ANO10: variants seen among roughly 807,000 people sequenced by gnomAD.
The protein encoded by ANO10 is anoctamin-10.
Under a neutral mutation model 74.7 loss-of-function variants are expected in ANO10, and 77 were observed. The observed-to-expected ratio is 1.03, with a 90% CI of 0.86 to 1.25. The LOEUF is 1.25. Among genes scored for constraint, ANO10 ranks in the 50% most tolerant of loss-of-function variants. ANO10 has a pLI of 0.00. For synonymous variants in ANO10, 279 were observed against 284.9 expected (o/e 0.98, Z 0.21); for missense variants, 721 against 778.1 (o/e 0.93, Z 0.87).
chr3:43,640,395 AG>A (rs1406553352), intron 1 of ANO10, among the ~76,000 whole-genome samples: 5 of 152,170 alleles, frequency 3.3e-5, no homozygotes, highest in South Asian at 2.1e-4. Flanking sequence ...AGCAGGGCAA[AG>A]CATCAACCCT....
At chr3:43,677,196 T>C (rs2084134437) in intron 1 of ANO10, among the ~76,000 whole-genome samples, 1 of 152,172 alleles carries the variant, frequency 6.6e-6, no homozygotes, top group Non-Finnish European at 1.5e-5. Context: ...GCAGCATGGA[T>C]GCAGGTGGAA....
chr3:43,673,460 T>C (rs1288399178), intron 1 of ANO10, among the ~76,000 whole-genome samples: 1 of 152,164 alleles, frequency 6.6e-6, no homozygotes, highest in East Asian at 1.9e-4. Flanking sequence ...GCTACAAATG[T>C]TCAGTGGCAT....
chr3:43,641,114 T>C (rs1384508251), intron 1 of ANO10, among the ~76,000 whole-genome samples: 2 of 152,196 alleles, frequency 1.3e-5, no homozygotes, highest in Non-Finnish European at 2.9e-5. Flanking sequence ...ATACATAAAA[T>C]TATATACCAA....
At chr3:43,449,020 C>T (rs955599207) in intron 11 of ANO10, among the ~76,000 whole-genome samples, 8 of 151,776 alleles carry the variant, frequency 5.3e-5, no homozygotes, top group Admixed American at 3.9e-4. Context: ...TACAGGTACC[C>T]GCCACCATGC....
At chr3:43,373,428 G>A (rs2091688406) in intron 12 of ANO10, among the ~76,000 whole-genome samples, 1 of 151,900 alleles carries the variant, frequency 6.6e-6, no homozygotes, top group Admixed American at 6.6e-5. Context: ...GGAGACATGT[G>A]AGGGAGTCTA....
intron 7 of ANO10, among the ~76,000 whole-genome samples, chr3:43,566,055 A>G (rs1019802385): frequency 3.3e-5 from 5 of 152,184 alleles, no homozygotes; most frequent in African/African-American, 1.2e-4. Context: ...TCCCTTTCTG[A>G]GTCAAAGAAA....
intron 1 of ANO10, among the ~76,000 whole-genome samples, chr3:43,648,777 C>T (rs1303690993): frequency 6.6e-6 from 1 of 150,978 alleles, no homozygotes; most frequent in East Asian, 2.0e-4. Context: ...CCCGGGTTCA[C>T]GCCATTCTTC....
At chr3:43,591,005 G>T (rs990478507) in intron 4 of ANO10, among the ~76,000 whole-genome samples, 5 of 152,194 alleles carry the variant, frequency 3.3e-5, no homozygotes, top group Admixed American at 2.0e-4. Context: ...ATCATCTGTC[G>T]CCTGAGAGCA....
At position 43,417,985 on chromosome 3, in the gene ANO10, A is replaced by T. The variant is rs376616293; in HGVS notation, c.1914+14626T>A. On this transcript the variant is annotated intron_variant, in intron 12 of 12. Coordinates refer to ENST00000292246, the MANE Select transcript of ANO10 (RefSeq NM_018075.5). ...AACTGGAGGTACTAAGGTGGTAAAG[A>T]ATTGTAAGGAAGGCCGGGCGCAGTG... Among the ~76,000 whole-genome samples the T allele has an allele frequency of 5.1e-4, 77 of 152,296 alleles. 2 individuals are homozygous for T. The South Asian group carries it at 0.015, about 30-fold the overall frequency.
intron 11 of ANO10, among the ~76,000 whole-genome samples, chr3:43,436,029 C>T (rs776742365): frequency 6.6e-6 from 1 of 152,148 alleles, no homozygotes; most frequent in Non-Finnish European, 1.5e-5. Context: ...CCACCTCTAC[C>T]CCAACTTTCT....
intron 12 of ANO10, among the ~76,000 whole-genome samples, chr3:43,410,327 G>A (rs2092644979): frequency 1.3e-5 from 2 of 151,878 alleles, no homozygotes; most frequent in East Asian, 1.9e-4. Context: ...TATAGCTCAC[G>A]GCATCCTTGA....
chr3:43,379,015 A>C lies in ANO10; in HGVS notation c.1915-12041T>G, dbSNP rs1019929060. 3.9e-5 allele frequency among the ~76,000 whole-genome samples: 6 copies of C among 152,308 alleles called. No individual in the cohort carries two copies. The South Asian group carries it at 8.3e-4, about 21-fold the overall frequency. The stretch of plus-strand genomic sequence containing the variant: ...TTACCTATATCCCTTCCTGAGTGGC[A>C]GTCCCTGTAACCAATACTGATCACT... On this transcript the variant is annotated intron_variant, in intron 12 of 12. Coordinates refer to ENST00000292246, the MANE Select transcript of ANO10 (RefSeq NM_018075.5).
chr3:43,404,471 G>A (rs1432059090), intron 12 of ANO10, among the ~76,000 whole-genome samples: 5 of 152,160 alleles, frequency 3.3e-5, no homozygotes, highest in Non-Finnish European at 7.3e-5. Flanking sequence ...CTAAGACCCT[G>A]AGCAGGGGAC....
In ANO10 at chr3:43,413,176, C is replaced by A. The variant is rs190512565; in HGVS notation, c.1914+19435G>T. 2.9e-3 allele frequency among the ~76,000 whole-genome samples: 440 copies of A among 152,284 alleles called. 1 individual carries two copies. Among genetic ancestry groups the A allele is most frequent in the African/African-American group, 0.01 (424 of 41,554 alleles). ...TCATCCTACTTTTTACTTCTCTCTG[C>A]CTGTGTCTATGGAAGAGGCCACAGG... On this transcript the variant is annotated intron_variant, in intron 12 of 12. Transcript: ENST00000292246.
At chr3:43,496,215 T>C (rs1028176036) in intron 11 of ANO10, among the ~76,000 whole-genome samples, 4 of 152,000 alleles carry the variant, frequency 2.6e-5, no homozygotes, top group African/African-American at 9.7e-5. Flanking sequence ...ACTCAAAATA[T>C]CGGAAAACAA....
chr3:43,578,602 T>C (rs1559732608), intron 5 of ANO10, among the ~76,000 whole-genome samples: 1 of 151,922 alleles, frequency 6.6e-6, no homozygotes, highest in Non-Finnish European at 1.5e-5. Flanking sequence ...ATACAAAAAT[T>C]AGCCGGGCAT....
At chr3:43,590,041 T>C (rs191765397) in intron 4 of ANO10, among the ~76,000 whole-genome samples, 126 of 152,316 alleles carry the variant, frequency 8.3e-4, no homozygotes, top group African/African-American at 2.8e-3. Context: ...ATTGTCTAAA[T>C]TTTTGTACTA....
intron 8 of ANO10, among the ~76,000 whole-genome samples, chr3:43,562,709 G>GA (rs1198759137): frequency 6.6e-6 from 1 of 151,380 alleles, no homozygotes; most frequent in Non-Finnish European, 1.5e-5. Context: ...GTATATTGGA[G>GA]AAAAAACACC....
intron 9 of ANO10, among the ~76,000 whole-genome samples, chr3:43,556,273 A>G (rs1208128081): frequency 1.3e-5 from 2 of 152,248 alleles, no homozygotes; most frequent in Non-Finnish European, 2.9e-5. Flanking sequence ...TATGCTCAGC[A>G]TTCAAAATTG....
Sources: allele counts gnomAD v4.1 joint callset (sites outside exome capture counted in the v4.1 genomes callset), GRCh38; gene constraint gnomAD v4.1.1; transcripts MANE v1.5; gene names NCBI Gene and HGNC (gene_info 2026-07-23, HGNC 2026-07-21).